The following CAMK1G variants were observed in gnomAD, a reference collection of about 807,000 sequenced individuals.
CAMK1G encodes the protein calcium/calmodulin-dependent protein kinase type 1G.
CAMK1G carries 27 observed loss-of-function variants against 54.8 expected under a neutral mutation model. The observed-to-expected ratio is 0.49, with a 90% CI of 0.36 to 0.68. CAMK1G has a LOEUF of 0.68. Among genes scored for constraint, CAMK1G ranks in the 30% least tolerant of loss-of-function variants. CAMK1G has a pLI of 0.00. For synonymous variants in CAMK1G, 238 were observed against 224.9 expected (o/e 1.06, Z -0.52); for missense variants, 512 against 591.0 (o/e 0.87, Z 1.39).
At chr1:209,591,308 C>T (rs999339979) in intron 1 of CAMK1G, among the ~76,000 whole-genome samples, 4 of 152,174 alleles carry the variant, frequency 2.6e-5, no homozygotes, top group Admixed American at 2.0e-4. Context: ...ACACAAGCTA[C>T]CAGATGTATA....
At chr1:209,593,944 C>A (rs1271272615) in intron 1 of CAMK1G, among the ~76,000 whole-genome samples, 1 of 152,190 alleles carries the variant, frequency 6.6e-6, no homozygotes, top group African/African-American at 2.4e-5. Flanking sequence ...TCACCACCCC[C>A]CACCATACGG....
chr1:209,608,859 C>G (rs943486468), intron 7 of CAMK1G, 121 bp from the exon 8 acceptor site: 6 of 1,399,124 alleles, frequency 4.3e-6, no homozygotes, highest in Admixed American at 2.3e-5. Flanking sequence ...CCTGGTCACA[C>G]CACTGTTCTG....
chr1:209,609,836 G>T lies in CAMK1G; in HGVS notation c.749-15G>T. 6.2e-7 allele frequency: 1 copy of T among 1,613,986 alleles called. No homozygotes were observed. The highest frequency in any genetic ancestry group is 2.2e-5 in the East Asian group (1 of 44,882). ...TCTGGTCCTTAGTCGTCGTGTCTTT[G>T]ATTACTCCCCTTAGCCAAGGACTTT... On this transcript the variant is annotated splice_polypyrimidine_tract_variant and intron_variant, in intron 8 of 12. Transcript: ENST00000361322.
At chr1:209,604,618 A>G (rs1247132743) in intron 4 of CAMK1G, among the ~76,000 whole-genome samples, 1 of 152,202 alleles carries the variant, frequency 6.6e-6, no homozygotes, top group Non-Finnish European at 1.5e-5. Flanking sequence ...GGACAGTGGT[A>G]AGGGGGACTA....
At chr1:209,586,820 G>A (rs1394401376) in intron 1 of CAMK1G, among the ~76,000 whole-genome samples, 2 of 152,080 alleles carry the variant, frequency 1.3e-5, no homozygotes, top group African/African-American at 4.8e-5. Flanking sequence ...AATGGCCCCT[G>A]TGTGTTGACC....
chr1:209,609,699 T>C (rs536332651), intron 8 of CAMK1G, 152 bp from the exon 9 acceptor site: 2 of 711,972 alleles, frequency 2.8e-6, no homozygotes, highest in African/African-American at 3.5e-5. Context: ...TTAGGTGGTT[T>C]GGATTTTTTT....
At chr1:209,599,856 A>T in intron 2 of CAMK1G, 127 bp from the exon 3 acceptor site, 1 of 1,090,352 alleles carries the variant, frequency 9.2e-7, no homozygotes, top group Non-Finnish European at 1.3e-6. Flanking sequence ...CCAGATTTAA[A>T]TTCAGTATAT....
At chr1:209,591,181 C>T (rs1665240723) in intron 1 of CAMK1G, among the ~76,000 whole-genome samples, 1 of 152,152 alleles carries the variant, frequency 6.6e-6, no homozygotes, top group Non-Finnish European at 1.5e-5. Context: ...CAAGTGTCAG[C>T]CCACCACTGC....
rs1169988506 is a variant in CAMK1G at position 209,605,693 on chromosome 1, T to C, written c.435+19T>C. 3 of 1,609,038 alleles carry C rather than the reference T, an allele frequency of 1.9e-6. No homozygotes were observed. The highest frequency in any genetic ancestry group is 2.5e-6 in the Non-Finnish European group (3 of 1,178,390). ...CTTAAAGGTGTCAAGGCGGGAGTCCTGGGTGGGAAACAGATAATGACCCTT... is the reference window on the plus strand; with the variant it reads ...CTTAAAGGTGTCAAGGCGGGAGTCCCGGGTGGGAAACAGATAATGACCCTT... On this transcript the variant is annotated intron_variant, in intron 5 of 12. Transcript: ENST00000361322.
intron 2 of CAMK1G, 81 bp from the exon 3 acceptor site, chr1:209,599,902 C>A: frequency 1.3e-6 from 2 of 1,533,578 alleles, no homozygotes; most frequent in South Asian, 1.1e-5. Flanking sequence ...GACTCTGTTA[C>A]GTCCTTTCTG....
chr1:209,608,055 G>A (rs1665694171), intron 7 of CAMK1G, 122 bp downstream of exon 7: 1 of 669,108 alleles, frequency 1.5e-6, no homozygotes, highest in African/African-American at 1.9e-5. Context: ...ACAGACACAG[G>A]CACAGGGGCA....
intron 2 of CAMK1G, 50 bp from the exon 3 acceptor site, chr1:209,599,927 GAAGTGT>G: frequency 6.3e-7 from 1 of 1,598,640 alleles, no homozygotes; most frequent in Non-Finnish European, 8.5e-7. Context: ...CTTACATCTG[GAAGTGT>G]AAGATGTCTG....
intron 2 of CAMK1G, among the ~76,000 whole-genome samples, chr1:209,597,902 A>G (rs2102386767): frequency 6.6e-6 from 1 of 152,342 alleles, no homozygotes; most frequent in African/African-American, 2.4e-5. Context: ...TGATAATAAT[A>G]GTATCTAACA....
At chr1:209,606,665 C>A (rs12079523) in intron 6 of CAMK1G, among the ~76,000 whole-genome samples, 6 of 152,154 alleles carry the variant, frequency 3.9e-5, no homozygotes, top group African/African-American at 1.2e-4. Flanking sequence ...ACCCCTGAGC[C>A]CTCCAGAGTC....
chr1:209,604,497 G>A (rs192496909), intron 4 of CAMK1G, among the ~76,000 whole-genome samples: 7 of 152,256 alleles, frequency 4.6e-5, no homozygotes, highest in Admixed American at 1.3e-4. Flanking sequence ...CTATAGGAGC[G>A]CCCAAAGCCT....
chr1:209,585,578 G>A (rs554002614), intron 1 of CAMK1G, among the ~76,000 whole-genome samples: 2 of 152,206 alleles, frequency 1.3e-5, no homozygotes, highest in Non-Finnish European at 2.9e-5. Flanking sequence ...TGGAAAGGTG[G>A]CCGTGGGGCA....
At position 209,603,223 on chromosome 1, in the gene CAMK1G, T is replaced by C. The variant is rs1399345508; in HGVS notation, c.231T>C (p.His77=). The C allele has an allele frequency of 6.2e-7, 1 of 1,614,112 alleles. No homozygotes were observed. Among genetic ancestry groups the C allele is most frequent in the South Asian group, 1.1e-5 (1 of 91,086 alleles). Residue 77 remains histidine, a synonymous_variant, in exon 4 of 13, where the codon CAT becomes CAC. Coordinates refer to ENST00000361322, the MANE Select transcript of CAMK1G (RefSeq NM_020439.3). ...ACTTTATTTTTCCCAGGATCAAGCATGAAAACATTGTGACCCTGGAGGACA... is the reference window on the plus strand; with the variant it reads ...ACTTTATTTTTCCCAGGATCAAGCACGAAAACATTGTGACCCTGGAGGACA... ...NEIAVLKKIK[H]ENIVTLEDIY... is the part of the protein sequence containing the mutation.
At chr1:209,586,974 A>G (rs1665118042) in intron 1 of CAMK1G, among the ~76,000 whole-genome samples, 1 of 152,122 alleles carries the variant, frequency 6.6e-6, no homozygotes, top group Non-Finnish European at 1.5e-5. Context: ...TTTGCGCCTT[A>G]AATAAACTGC....
intron 8 of CAMK1G, among the ~76,000 whole-genome samples, chr1:209,609,612 T>G (rs1665732690): frequency 6.6e-6 from 1 of 152,230 alleles, no homozygotes; most frequent in African/African-American, 2.4e-5. Context: ...GCCTTGTGAC[T>G]AGTGACGCTT....
Sources: allele counts gnomAD v4.1 joint callset (sites outside exome capture counted in the v4.1 genomes callset), GRCh38; gene constraint gnomAD v4.1.1; transcripts MANE v1.5; gene names NCBI Gene and HGNC (gene_info 2026-07-23, HGNC 2026-07-21).